APP: variants seen among roughly 807,000 people sequenced by gnomAD.
The protein encoded by APP is amyloid beta precursor protein.
Under a neutral mutation model 101.4 loss-of-function variants are expected in APP, and 31 were observed. The observed-to-expected ratio is 0.31, with a 90% CI of 0.23 to 0.41. The LOEUF is 0.41. Among genes scored for constraint, APP ranks in the 10% least tolerant of loss-of-function variants. APP has a pLI of 1.00. For missense variants in APP, 839 were observed against 1,003.7 expected (o/e 0.84, Z 2.22); for synonymous variants, 366 against 364.4 (o/e 1.00, Z -0.05).
At chr21:25,956,845 C>A (rs187045846) in intron 11 of APP, among the ~76,000 whole-genome samples, 1 of 152,142 alleles carries the variant, frequency 6.6e-6, no homozygotes, top group Non-Finnish European at 1.5e-5. Context: ...TCAGGTGGAA[C>A]GAGGTACCCT....
At chr21:26,122,199 G>C (rs1336323331) in intron 1 of APP, among the ~76,000 whole-genome samples, 1 of 152,200 alleles carries the variant, frequency 6.6e-6, no homozygotes, top group Non-Finnish European at 1.5e-5. Context: ...CATAGGTGGA[G>C]AGGGCAATTC....
intron 2 of APP, among the ~76,000 whole-genome samples, chr21:26,101,630 G>GATAACTT (rs1568975773): frequency 2.6e-4 from 40 of 152,066 alleles, no homozygotes; most frequent in African/African-American, 7.7e-4. Flanking sequence ...CATGAATGAG[G>GATAACTT]GGATGGACAG....
intron 8 of APP, among the ~76,000 whole-genome samples, chr21:25,983,302 G>T (rs1019557420): frequency 2.0e-5 from 3 of 152,086 alleles, no homozygotes; most frequent in African/African-American, 7.2e-5. Context: ...AAAGAATTTT[G>T]ACTTAAGAGG....
intron 11 of APP, among the ~76,000 whole-genome samples, chr21:25,956,387 T>C (rs1365144637): frequency 6.6e-6 from 1 of 152,224 alleles, no homozygotes; most frequent in Non-Finnish European, 1.5e-5. Flanking sequence ...CATTTCGTCT[T>C]AAGTGCTCCT....
chr21:25,999,389 A>C (rs1186175262), intron 7 of APP, among the ~76,000 whole-genome samples: 3 of 152,202 alleles, frequency 2.0e-5, no homozygotes, highest in Non-Finnish European at 4.4e-5. Context: ...TCAAGAGAAG[A>C]AGCAGAAGTT....
intron 1 of APP, among the ~76,000 whole-genome samples, chr21:26,130,762 C>T (rs1163015460): frequency 6.6e-6 from 1 of 152,196 alleles, no homozygotes; most frequent in Non-Finnish European, 1.5e-5. Context: ...CACCCAGAGA[C>T]TTGACTTCTA....
At chr21:26,109,827 T>C (rs575593637) in intron 2 of APP, among the ~76,000 whole-genome samples, 4 of 152,286 alleles carry the variant, frequency 2.6e-5, no homozygotes, top group South Asian at 2.1e-4. Context: ...TGTATCAAAA[T>C]AGTCGATTCA....
At chr21:25,986,397 G>A (rs73899744) in intron 8 of APP, among the ~76,000 whole-genome samples, 3,007 of 152,204 alleles carry the variant, frequency 0.02, 99 homozygotes, top group African/African-American at 0.067. Context: ...GAGATTCCAC[G>A]GAACCTCTGA....
intron 5 of APP, among the ~76,000 whole-genome samples, chr21:26,028,782 G>A (rs1442811616): frequency 6.6e-6 from 1 of 152,104 alleles, no homozygotes; most frequent in African/African-American, 2.4e-5. Flanking sequence ...TGAAGATAAA[G>A]CACTCAATTT....
intron 13 of APP, among the ~76,000 whole-genome samples, chr21:25,920,750 G>C (rs1302280860): frequency 1.4e-5 from 2 of 146,212 alleles, no homozygotes; most frequent in Admixed American, 6.8e-5. Flanking sequence ...GACCTACAAA[G>C]AGACTTAGAC....
chr21:25,902,439 A>AAAATCTTTCATAACCT (rs1346981303), intron 15 of APP, among the ~76,000 whole-genome samples: 2 of 151,730 alleles, frequency 1.3e-5, no homozygotes, highest in Admixed American at 1.3e-4. Context: ...ATGGCTTAAT[A>AAAATCTTTCATAACCT]CATGTGCAGT....
At chr21:25,905,631 G>A (rs953005453) in intron 14 of APP, among the ~76,000 whole-genome samples, 3 of 152,190 alleles carry the variant, frequency 2.0e-5, no homozygotes, top group South Asian at 2.1e-4. Context: ...GGGCAGAAGA[G>A]GGAAACCGCA....
chr21:26,159,516 G>T (rs2063446711), intron 1 of APP, among the ~76,000 whole-genome samples: 2 of 152,186 alleles, frequency 1.3e-5, no homozygotes, highest in South Asian at 4.1e-4. Flanking sequence ...TAAACATTCT[G>T]CATTAAACCT....
chr21:25,946,825 G>T (rs2040843624), intron 13 of APP, among the ~76,000 whole-genome samples: 1 of 152,106 alleles, frequency 6.6e-6, no homozygotes, highest in African/African-American at 2.4e-5. Flanking sequence ...AAAACACTGT[G>T]GTTGATATTT....
At chr21:26,124,870 C>T (rs573603641) in intron 1 of APP, among the ~76,000 whole-genome samples, 1 of 152,342 alleles carries the variant, frequency 6.6e-6, no homozygotes, top group South Asian at 2.1e-4. Context: ...AGGCAGTGAA[C>T]ATATTCAAAG....
At chr21:25,955,891 T>C (rs1270557955) in intron 11 of APP, 136 bp from the exon 12 acceptor site, 1 of 1,216,800 alleles carries the variant, frequency 8.2e-7, no homozygotes, top group Admixed American at 1.8e-5. Context: ...CAGGTCTGCC[T>C]TCTAAACATT....
At chr21:26,067,421 T>C (rs2046498534) in intron 3 of APP, among the ~76,000 whole-genome samples, 1 of 152,178 alleles carries the variant, frequency 6.6e-6, no homozygotes, top group Admixed American at 6.5e-5. Flanking sequence ...AGATCAATAA[T>C]ATATTTCAAG....
At chr21:25,996,106 T>C (rs1304031866) in intron 8 of APP, among the ~76,000 whole-genome samples, 3 of 152,224 alleles carry the variant, frequency 2.0e-5, no homozygotes, top group Non-Finnish European at 4.4e-5. Flanking sequence ...CAAATTCAAA[T>C]ATGAGTACTA....
chr21:26,035,013 T>C (rs1283901280), intron 5 of APP, among the ~76,000 whole-genome samples: 1 of 151,966 alleles, frequency 6.6e-6, no homozygotes, highest in South Asian at 2.1e-4. Context: ...GGGCCAGGCA[T>C]GGTGGCTCAT....
Sources: allele counts gnomAD v4.1 joint callset (sites outside exome capture counted in the v4.1 genomes callset), GRCh38; gene constraint gnomAD v4.1.1; transcripts MANE v1.5; gene names NCBI Gene and HGNC (gene_info 2026-07-23, HGNC 2026-07-21).